Variants in GGA3 observed in about 807,000 individuals in gnomAD.
The protein encoded by GGA3 is ADP-ribosylation factor-binding protein GGA3.
In GGA3, 57 loss-of-function variants were observed where a neutral mutation model predicts 77.5. That is an observed-to-expected ratio of 0.74 (90% CI 0.59 to 0.92). The LOEUF (loss-of-function observed/expected upper bound fraction) is 0.92, where lower values mean the gene tolerates loss of function less well. Among genes scored for constraint, GGA3 ranks in the 40% least tolerant of loss-of-function variants. GGA3 has a pLI of 0.00. For missense variants in GGA3, 970 were observed against 914.9 expected (o/e 1.06, Z -0.78); for synonymous variants, 416 against 383.7 (o/e 1.08, Z -0.98).
At chr17:75,261,608 C>A, upstream of GGA3, 2 of 1,537,220 alleles carry the variant, frequency 1.3e-6, no homozygotes, top group Non-Finnish European at 1.8e-6. Context: ...CCCGGCCCCG[C>A]GGCTTCAAAA....
At chr17:75,255,697 A>T (rs1323837305) in intron 1 of GGA3, among the ~76,000 whole-genome samples, 1 of 152,180 alleles carries the variant, frequency 6.6e-6, no homozygotes, top group Non-Finnish European at 1.5e-5. Flanking sequence ...AAGCCTTACA[A>T]GTTAGTTCAG....
At chr17:75,251,783 CTTT>C (rs2076976092) in intron 1 of GGA3, among the ~76,000 whole-genome samples, 1 of 81,450 alleles carries the variant, frequency 1.2e-5, no homozygotes, top group South Asian at 4.2e-4. Context: ...CTTTTTTTTT[CTTT>C]TTTGAGACAG....
intron 3 of GGA3, among the ~76,000 whole-genome samples, chr17:75,246,131 CCT>C (rs2076748182): frequency 6.6e-6 from 1 of 152,208 alleles, no homozygotes; most frequent in African/African-American, 2.4e-5. Context: ...TGGACCGACC[CCT>C]CTTTTCTTCA....
intron 1 of GGA3, among the ~76,000 whole-genome samples, chr17:75,259,646 G>A (rs188380316): frequency 6.6e-6 from 1 of 152,292 alleles, no homozygotes; most frequent in Non-Finnish European, 1.5e-5. Context: ...GTGAGGACGG[G>A]AGAGACCTGG....
chr17:75,261,614 CA>C (rs761579201), upstream of GGA3: 4 of 1,533,718 alleles, frequency 2.6e-6, no homozygotes, highest in East Asian at 2.4e-5. Context: ...CCCGCGGCTT[CA>C]AAACTCGCGA....
intron 10 of GGA3, 140 bp from the exon 11 acceptor site, chr17:75,241,197 A>G: frequency 9.2e-7 from 1 of 1,083,386 alleles, no homozygotes; most frequent in Non-Finnish European, 1.4e-6. Context: ...GGGATGCTGC[A>G]AAGCAAGCCC....
chr17:75,238,609 G>C, intron 16 of GGA3, 43 bp downstream of exon 16: 1 of 1,383,074 alleles, frequency 7.2e-7, no homozygotes, highest in Non-Finnish European at 1.0e-6. Context: ...ATCTGGGGCA[G>C]CTGGGGCCTC....
In GGA3 at chr17:75,239,566, G is replaced by A. The variant is rs1386290202; in HGVS notation, c.1589C>T (p.Ser530Leu). The change falls in exon 14 of 17, where the codon TCG becomes TTG. Residue 530 changes from serine to leucine, a missense_variant. Ser to Leu is a moderately radical substitution (Grantham distance 145, BLOSUM62 -2). Transcript: ENST00000537686. ...GGAGGTAGTGGGTTTCACCAAGCCC[G>A]AGGTCCTGGGAGGTGGGAAGGATGG... ...DQLLEEAKVT[S>L]GLVKPTTSPL... The A allele has an allele frequency of 4.5e-6, 7 of 1,553,798 alleles. No homozygotes were observed. Among genetic ancestry groups the A allele is most frequent in the South Asian group, 1.2e-5 (1 of 84,888 alleles).
At chr17:75,246,112 A>G (rs2076747300) in intron 3 of GGA3, among the ~76,000 whole-genome samples, 1 of 152,254 alleles carries the variant, frequency 6.6e-6, no homozygotes, top group African/African-American at 2.4e-5. Context: ...GTTTAACTAC[A>G]GAATGAACTG....
chr17:75,251,773 C>CTT (rs112695506), intron 1 of GGA3, among the ~76,000 whole-genome samples: 3 of 146,754 alleles, frequency 2.0e-5, no homozygotes, highest in African/African-American at 5.0e-5. Flanking sequence ...TTTCTTCTTC[C>CTT]TTTTTTTTTC....
intron 8 of GGA3, chr17:75,241,953 TG>T: frequency 1.8e-6 from 1 of 566,730 alleles, no homozygotes; most frequent in Non-Finnish European, 3.2e-6. Context: ...CAGGCTGGCA[TG>T]TTCCTCAGAA....
chr17:75,246,841 G>A, intron 1 of GGA3, 45 bp from the exon 2 acceptor site: 1 of 1,506,606 alleles, frequency 6.6e-7, no homozygotes, highest in Non-Finnish European at 9.2e-7. Flanking sequence ...GAAGAGCAAT[G>A]AGGATGCAAT....
chr17:75,242,262 C>G (rs1231502232), intron 8 of GGA3, 74 bp downstream of exon 8: 1 of 1,528,942 alleles, frequency 6.5e-7, no homozygotes, highest in Non-Finnish European at 9.0e-7. Flanking sequence ...AAGGCACGTG[C>G]TCAGCAAATG....
At position 75,244,649 on chromosome 17, in the gene GGA3, C is replaced by A; in HGVS notation, c.270G>T (p.Leu90Phe). ...GAGAGACGACTTTGATTAACTCATT[C>A]AAAAAGCGGAACTTCCCCACTTCGT... ...FHNEVGKFRF[L>F]NELIKVVSPK... The change falls in exon 4 of 17, where the codon TTG (leucine) becomes TTT (phenylalanine). Residue 90 changes from leucine (L) to phenylalanine (F), a missense_variant. Physicochemically the swap from Leu to Phe is conservative, Grantham distance 22. Coordinates refer to ENST00000537686, the MANE Select transcript of GGA3 (RefSeq NM_138619.4). The A allele has an allele frequency of 6.2e-7, 1 of 1,613,488 alleles. No individual in the cohort carries two copies. Among genetic ancestry groups the A allele is most frequent in the Non-Finnish European group, 8.5e-7 (1 of 1,179,426 alleles).
intron 3 of GGA3, among the ~76,000 whole-genome samples, chr17:75,245,903 C>T (rs910620573): frequency 3.3e-5 from 5 of 152,172 alleles, no homozygotes; most frequent in Admixed American, 6.5e-5. Context: ...TTCCTCTTTT[C>T]GCTTTCCAGG....
intron 4 of GGA3, 42 bp from the exon 5 acceptor site, chr17:75,243,612 G>T: frequency 6.2e-7 from 1 of 1,602,532 alleles, no homozygotes. Context: ...AGTGCAGTTC[G>T]GAGGCAGAGA....
chr17:75,240,080 C>T lies in GGA3; in HGVS notation c.1292G>A (p.Ser431Asn). The change falls in exon 13 of 17, where the codon AGC becomes AAC. Residue 431 changes from serine to asparagine, a missense_variant. Coordinates refer to ENST00000537686, the MANE Select transcript of GGA3 (RefSeq NM_138619.4). Reference sequence around the variant, plus strand: ...ACAGGCAGCGGTCCCCGGCCTGGGGCTGAAGAAGTCCAGGTCGGACTGTTC... The same window carrying T: ...ACAGGCAGCGGTCCCCGGCCTGGGGTTGAAGAAGTCCAGGTCGGACTGTTC... ...QREQSDLDFF[S>N]PRPGTAACGA... is the part of the protein sequence containing the mutation. 1 of 1,505,658 alleles carries T rather than the reference C, an allele frequency of 6.6e-7. No individual in the cohort carries two copies. The highest frequency in any genetic ancestry group is 1.4e-5 in the African/African-American group (1 of 70,998). 93.3% of individuals were successfully genotyped at this position (1,505,658 alleles called of 1,614,324 possible).
At position 75,239,881 on chromosome 17, in the gene GGA3, C is replaced by T. The variant is rs1168709077; in HGVS notation, c.1491G>A (p.Glu497=). The T allele has an allele frequency of 6.2e-7, 1 of 1,613,992 alleles. No individual in the cohort carries two copies. Among genetic ancestry groups the T allele is most frequent in the Non-Finnish European group, 8.5e-7 (1 of 1,179,972 alleles). ...AGCCATGGTGCCCAGGGACTGCGGG[C>T]TCAACTTTTGGGGCCAAGGCTGGGG... The part of the protein sequence containing the change: ...GVAPALAPKV[E]PAVPGHHGLA... Residue 497 remains glutamate, a synonymous_variant, in exon 13 of 17, where the codon GAG becomes GAA. Transcript: ENST00000537686.
At chr17:75,258,192 G>A (rs950728007) in intron 1 of GGA3, among the ~76,000 whole-genome samples, 5 of 152,050 alleles carry the variant, frequency 3.3e-5, no homozygotes, top group Admixed American at 2.0e-4. Flanking sequence ...CTCTCTTTTC[G>A]GACTCAGCCT....
Sources: gnomAD v4.1 joint callset for allele counts (sites outside exome capture counted in the v4.1 genomes callset) on GRCh38, gnomAD v4.1.1 for gene constraint, MANE v1.5 for transcripts, NCBI Gene and HGNC (gene_info 2026-07-23, HGNC 2026-07-21) for gene names.